The following MADD variants were observed in gnomAD, a reference collection of about 807,000 sequenced individuals.
The protein encoded by MADD is MAP kinase activating death domain.
In MADD, 109 loss-of-function variants were observed where a neutral mutation model predicts 176.7. The ratio of observed to expected loss-of-function variants is 0.62; its 90% CI spans 0.53 to 0.72. The LOEUF (loss-of-function observed/expected upper bound fraction) is 0.72, where lower values mean the gene tolerates loss of function less well. Among genes scored for constraint, MADD ranks in the 30% least tolerant of loss-of-function variants. MADD has a pLI of 0.00. For missense variants in MADD, 1,914 were observed against 2,045.5 expected (o/e 0.94, Z 1.24); for synonymous variants, 771 against 771.3 (o/e 1.00, Z 0.01).
chr11:47,290,909 C>G (rs908100815), intron 19 of MADD, 93 bp downstream of exon 20: 2 of 1,053,886 alleles, frequency 1.9e-6, no homozygotes, highest in African/African-American at 3.2e-5. Context: ...CTTTCTCTGC[C>G]CCATGCTTTG....
chr11:47,282,531 G>A (rs2057697511), exon 9 of MADD: 1 of 1,614,098 alleles, frequency 6.2e-7, no homozygotes, highest in African/African-American at 1.3e-5. Flanking sequence ...CTTTTGCCGA[G>A]AAATTGGCCA....
At chr11:47,277,155 C>G (rs1432163685) in intron 5 of MADD, among the ~76,000 whole-genome samples, 2 of 152,222 alleles carry the variant, frequency 1.3e-5, no homozygotes, top group African/African-American at 4.8e-5. Flanking sequence ...CATTCCAAGA[C>G]CCACCAGTGG....
intron 20 of MADD, among the ~76,000 whole-genome samples, chr11:47,295,118 C>G (rs2069926693): frequency 6.6e-6 from 1 of 151,774 alleles, no homozygotes; most frequent in Non-Finnish European, 1.5e-5. Context: ...TCAAGTGATG[C>G]TCCCACCTCA....
At chr11:47,324,720 A>G in intron 30 of MADD, 143 bp downstream of exon 33, 2 of 723,666 alleles carry the variant, frequency 2.8e-6, no homozygotes, top group Non-Finnish European at 5.0e-6. Context: ...GACCCAGGAA[A>G]GAAACCCCAG....
At chr11:47,320,317 G>A (rs1210950663) in intron 27 of MADD, among the ~76,000 whole-genome samples, 2 of 151,714 alleles carry the variant, frequency 1.3e-5, no homozygotes, top group Non-Finnish European at 2.9e-5. Flanking sequence ...TTAGCCAGGC[G>A]AGGTGGTGGG....
At chr11:47,296,299 C>T (rs559757662) in intron 22 of MADD, among the ~76,000 whole-genome samples, 62 of 152,260 alleles carry the variant, frequency 4.1e-4, no homozygotes, top group African/African-American at 1.2e-3. Flanking sequence ...TGCCCAGTCA[C>T]GTAAGGGCTT....
exon 22 of MADD, chr11:47,295,898 T>A: frequency 6.2e-7 from 1 of 1,610,236 alleles, no homozygotes. Context: ...CCTTTCCAGG[T>A]GAGTAATAGC....
upstream of MADD, chr11:47,269,933 ACGCGACGGCGCTGGGTCGGCCTGGCG>A (rs1958608604): frequency 6.6e-6 from 1 of 152,086 alleles, no homozygotes; most frequent in African/African-American, 2.4e-5. Flanking sequence ...CCCACTTGGC[ACGCGACGGCGCTGGGTCGGCCTGGCG>A]CGCCCTCCCG....
At chr11:47,328,703 T>G in exon 32 of MADD, 1 of 1,614,178 alleles carries the variant, frequency 6.2e-7, no homozygotes, top group South Asian at 1.1e-5. Flanking sequence ...AAGACACCAA[T>G]GGTGAGTGTG....
chr11:47,289,444 A>G (rs773112366), exon 16 of MADD: 21 of 1,614,102 alleles, frequency 1.3e-5, no homozygotes, highest in African/African-American at 4.0e-5. Context: ...ACACAGCCCA[A>G]CAGTGAAAAG....
chr11:47,297,869 A>G (rs898040331), intron 22 of MADD, among the ~76,000 whole-genome samples: 10 of 146,290 alleles, frequency 6.8e-5, no homozygotes, highest in African/African-American at 2.3e-4. Context: ...GCTCACTGCA[A>G]TCTCCACCTC....
chr11:47,306,130 C>CT, intron 22 of MADD, among the ~76,000 whole-genome samples: 1 of 152,256 alleles, frequency 6.6e-6, no homozygotes, highest in African/African-American at 2.4e-5. Context: ...TCTGAGCAGT[C>CT]TAAGTACTGT....
At chr11:47,276,321 GT>G (rs1254655824) in intron 4 of MADD, 119 bp downstream of exon 4, 1 of 935,994 alleles carries the variant, frequency 1.1e-6, no homozygotes, top group African/African-American at 1.7e-5. Context: ...TCTTCAGGAG[GT>G]AACATGATGC....
In MADD at chr11:47,325,943, G is replaced by C. The variant is rs183552711; in HGVS notation, c.4543-795G>C. ...ACCTCACAGTTAGTAATGAGATAGCGACCTGCCCCCTATTCTGCCACACAG... is the reference window on the plus strand; with the variant it reads ...ACCTCACAGTTAGTAATGAGATAGCCACCTGCCCCCTATTCTGCCACACAG... On this transcript the variant is annotated intron_variant, in intron 30 of 32. Transcript: ENST00000402192. This position sits in a 1 kb window ranked among gnomAD's most constrained non-coding sequence, Gnocchi z 4.5. Among the ~76,000 whole-genome samples the C allele has an allele frequency of 2.6e-5, 4 of 152,322 alleles. No individual in the cohort carries two copies. In the East Asian group the frequency reaches 7.7e-4, roughly 29 times the overall value.
chr11:47,304,283 T>G (rs760428457), intron 22 of MADD, among the ~76,000 whole-genome samples: 12 of 151,758 alleles, frequency 7.9e-5, no homozygotes, highest in Admixed American at 3.3e-4. Context: ...TAGGCTGGAA[T>G]GCAATGGCAC....
intron 19 of MADD, chr11:47,292,591 A>G: frequency 6.2e-7 from 1 of 1,614,054 alleles, no homozygotes; most frequent in Non-Finnish European, 8.5e-7. Flanking sequence ...GCTTTGGAAA[A>G]ACAGAGTAAG....
At position 47,309,396 on chromosome 11, in the gene MADD, C is replaced by G. The variant is rs143054691; in HGVS notation, c.3867C>G (p.Ile1289Met). Residue 1289 changes from isoleucine to methionine, a missense_variant, in exon 24 of 33, where the codon ATC becomes ATG. Transcript: ENST00000402192. Reference sequence around the variant, plus strand: ...TGGACCAGGGTCCCCAGGAAATGATCGACAGGTATGGGGCTTAGGAAACCA... The same window carrying G: ...TGGACCAGGGTCCCCAGGAAATGATGGACAGGTATGGGGCTTAGGAAACCA... 4 of 1,613,984 alleles carry G rather than the reference C, an allele frequency of 2.5e-6. No individual in the cohort carries two copies. Among genetic ancestry groups the G allele is most frequent in the Non-Finnish European group, 2.5e-6 (3 of 1,180,006 alleles).
At chr11:47,279,203 A>T (rs562401220) in intron 7 of MADD, 124 bp downstream of exon 7, 89 of 879,092 alleles carry the variant, frequency 1.0e-4, no homozygotes, top group Non-Finnish European at 1.5e-4. Flanking sequence ...TTCACCCTGG[A>T]TGGGCTTAAG....
At chr11:47,273,931 A>T in exon 2 of MADD, 1 of 1,614,114 alleles carries the variant, frequency 6.2e-7, no homozygotes, top group Non-Finnish European at 8.5e-7. Context: ...CAAAAGAAGA[A>T]GTTCTGTCCT....
Sources: gnomAD v4.1 joint callset for allele counts (sites outside exome capture counted in the v4.1 genomes callset) on GRCh38, gnomAD v4.1.1 for gene constraint, Gnocchi (gnomAD v3.1) non-coding constraint, MANE v1.5 for transcripts, NCBI Gene and HGNC (gene_info 2026-07-23, HGNC 2026-07-21) for gene names.